Variants in DHDDS observed in about 807,000 individuals in gnomAD.
DHDDS encodes the protein dehydrodolichyl diphosphate synthase complex subunit DHDDS.
In DHDDS, 16 loss-of-function variants were observed where a neutral mutation model predicts 46.2. The observed-to-expected ratio is 0.35, with a 90% CI of 0.23 to 0.53. The LOEUF is 0.53. Ranked by LOEUF, DHDDS falls within the 20% of genes least tolerant of loss-of-function variation. The probability of loss-of-function intolerance (pLI) is 0.94; values close to 1 mark genes in which losing one functional copy is unlikely to be tolerated. For synonymous variants in DHDDS, 151 were observed against 163.1 expected, an observed-to-expected ratio of 0.93 and a Z score of 0.56; for missense variants, 340 against 423.7, an observed-to-expected ratio of 0.80 and a Z score of 1.73.
chr1:26,457,864 A>G lies in DHDDS; in HGVS notation c.616A>G (p.Thr206Ala), dbSNP rs2124489724. Residue 206 changes from threonine (T) to alanine (A), a missense_variant, in exon 7 of 9, where the codon ACT (threonine) becomes GCT (alanine). Coordinates refer to ENST00000236342, the MANE Select transcript of DHDDS (RefSeq NM_205861.3). ...TCCTCATCCTGACATCTTGATACGGACTTCTGGAGAAGTGCGGCTGAGTGA... is the reference window on the plus strand; with the variant it reads ...TCCTCATCCTGACATCTTGATACGGGCTTCTGGAGAAGTGCGGCTGAGTGA... ...RSPHPDILIRTSGEVRLSDFL... is the reference protein window; with the variant it reads ...RSPHPDILIRASGEVRLSDFL... The G allele has an allele frequency of 6.2e-7, 1 of 1,613,980 alleles. No individual in the cohort carries two copies.
intron 6 of DHDDS, 95 bp from the exon 7 acceptor site, chr1:26,457,696 G>A (rs370757934): frequency 4.8e-5 from 44 of 924,994 alleles, no homozygotes; most frequent in Non-Finnish European, 7.5e-5. Context: ...TGTATAAACT[G>A]AGAAGCCTAT....
At chr1:26,462,477 TTC>T (rs1319254895) in intron 8 of DHDDS, among the ~76,000 whole-genome samples, 1 of 152,218 alleles carries the variant, frequency 6.6e-6, no homozygotes, top group Non-Finnish European at 1.5e-5. Flanking sequence ...TCCTCCCTCT[TTC>T]ATTTCCTACT....
chr1:26,461,039 A>G (rs1364495760), intron 8 of DHDDS, among the ~76,000 whole-genome samples: 1 of 152,054 alleles, frequency 6.6e-6, no homozygotes, highest in Non-Finnish European at 1.5e-5. Context: ...ATGCCTGGCT[A>G]ATTTTTGTAT....
chr1:26,444,094 G>T (rs748867439), intron 4 of DHDDS, among the ~76,000 whole-genome samples: 1 of 152,200 alleles, frequency 6.6e-6, no homozygotes, highest in Non-Finnish European at 1.5e-5. Flanking sequence ...CTGAGAGACA[G>T]ACCATATTAC....
At chr1:26,441,222 C>T (rs1483085117) in intron 3 of DHDDS, among the ~76,000 whole-genome samples, 1 of 151,308 alleles carries the variant, frequency 6.6e-6, no homozygotes, top group African/African-American at 2.4e-5. Flanking sequence ...CACGCCCGGC[C>T]TGTTTTTTTT....
intron 8 of DHDDS, among the ~76,000 whole-genome samples, chr1:26,461,628 G>A (rs958298526): frequency 3.3e-5 from 5 of 151,938 alleles, no homozygotes; most frequent in African/African-American, 1.2e-4. Context: ...CAGGTGATCC[G>A]CCCGCCTTGG....
rs35376620 is a variant in DHDDS, at chr1:26,451,404, A to ATGTGTGTGTGTG, written c.542+3780_542+3791dup. On this transcript the variant is annotated intron_variant, in intron 6 of 8. Coordinates refer to ENST00000236342, the MANE Select transcript of DHDDS (RefSeq NM_205861.3). ...TCTTTCTTCCAGGGTATGTATGTAG[A>ATGTGTGTGTGTG]TGTGTGTGTGTGTGTGTGTGTGTGT... is the stretch of plus-strand genomic sequence containing the variant. 1.1e-3 allele frequency among the ~76,000 whole-genome samples: 145 copies of ATGTGTGTGTGTG among 136,032 alleles called. 1 individual carries two copies. Among genetic ancestry groups the ATGTGTGTGTGTG allele is most frequent in the Middle Eastern group, 3.7e-3 (1 of 270 alleles). 89.2% of individuals were successfully genotyped at this position (136,032 alleles called of 152,430 possible).
In DHDDS at chr1:26,443,557, C is replaced by T. The variant is rs76436044; in HGVS notation, c.323+684C>T. Among the ~76,000 whole-genome samples, 1,017 of 145,422 alleles carry T rather than the reference C, an allele frequency of 7.0e-3. 6 individuals carry two copies. Among genetic ancestry groups the T allele is most frequent in the African/African-American group, 0.023 (935 of 40,830 alleles). ...GACTGCTTGCTTCAAAGTATGGAGC[C>T]CTTACCAGCCAGAATTGCCCGAAAG... On this transcript the variant is annotated intron_variant, in intron 4 of 8. Coordinates refer to ENST00000236342, the MANE Select transcript of DHDDS (RefSeq NM_205861.3).
intron 8 of DHDDS, 82 bp from the exon 9 acceptor site, chr1:26,468,813 C>CCCCCCCCCA: frequency 7.5e-7 from 1 of 1,333,664 alleles, no homozygotes; most frequent in East Asian, 2.6e-5. Flanking sequence ...CACCCTGTGC[C>CCCCCCCCCA]CCACCCCCTA....
At chr1:26,446,702 G>A (rs1570343289) in intron 5 of DHDDS, among the ~76,000 whole-genome samples, 3 of 152,038 alleles carry the variant, frequency 2.0e-5, no homozygotes, top group African/African-American at 4.8e-5. Flanking sequence ...GTGTGTGTGT[G>A]TGTGTGGGTG....
At chr1:26,454,055 G>A (rs55666700) in intron 6 of DHDDS, among the ~76,000 whole-genome samples, 1,541 of 152,052 alleles carry the variant, frequency 0.01, 7 homozygotes, top group Non-Finnish European at 0.017. Flanking sequence ...CCGGGTTCAC[G>A]CCATTCTCCT....
chr1:26,469,327 A>G lies in DHDDS; in HGVS notation c.*196A>G. On this transcript the variant is annotated 3_prime_UTR_variant, in exon 9 of 9. Coordinates refer to ENST00000236342, the MANE Select transcript of DHDDS (RefSeq NM_205861.3). The stretch of plus-strand genomic sequence containing the variant: ...TGGGACAGGCTCCTGAGGAGGATTG[A>G]GGGTGAAAGTCTCCCACGAGTACAC... 1.0e-6 allele frequency: 1 copy of G among 1,003,996 alleles called. No homozygotes were observed. Among genetic ancestry groups the G allele is most frequent in the Non-Finnish European group, 1.5e-6 (1 of 681,740 alleles). The allele number at this position is 1,003,996 out of a possible 1,614,324, so 62.2% of individuals were successfully genotyped here. A position where few individuals can be genotyped will look rare whatever the true frequency, so the allele number is the denominator to read the frequency against.
chr1:26,454,555 G>T, intron 6 of DHDDS: 1 of 639,874 alleles, frequency 1.6e-6, no homozygotes, highest in Non-Finnish European at 2.7e-6. Context: ...TGACCCTCAT[G>T]ATAACCTATA....
intron 8 of DHDDS, among the ~76,000 whole-genome samples, chr1:26,461,227 A>G (rs988248541): frequency 6.6e-6 from 1 of 152,132 alleles, no homozygotes; most frequent in African/African-American, 2.4e-5. Context: ...AGGAGGAAAT[A>G]ATGATGTGAG....
Position 26,470,376 on chromosome 1 carries a change from A to C in DHDDS, c.*1245A>C, listed in dbSNP as rs1570373128. 2 of 140,684 alleles carry C rather than the reference A, an allele frequency of 1.4e-5. No homozygotes were observed. The highest frequency in any genetic ancestry group is 2.1e-4 in the East Asian group (1 of 4,750). 8.7% of individuals were successfully genotyped at this position (140,684 alleles called of 1,614,324 possible). A position where few individuals can be genotyped will look rare whatever the true frequency, so the allele number is the denominator to read the frequency against. ...TGTCCTGGCTGGTCTCGAACTCCTGACCTCAGGTGATCCGCCGGCCTCACC... is the reference window on the plus strand; with the variant it reads ...TGTCCTGGCTGGTCTCGAACTCCTGCCCTCAGGTGATCCGCCGGCCTCACC... On this transcript the variant is annotated 3_prime_UTR_variant, in exon 9 of 9. Transcript: ENST00000236342.
intron 8 of DHDDS, among the ~76,000 whole-genome samples, chr1:26,465,302 T>C (rs1435749160): frequency 6.6e-6 from 1 of 152,204 alleles, no homozygotes; most frequent in Non-Finnish European, 1.5e-5. Context: ...TTTCTTCTGC[T>C]CTTCAGGTTG....
intron 6 of DHDDS, 127 bp downstream of exon 6, chr1:26,447,787 G>A (rs2075284242): frequency 1.3e-6 from 1 of 793,310 alleles, no homozygotes; most frequent in Non-Finnish European, 2.2e-6. Flanking sequence ...CAGGCCAGGA[G>A]TTCAAGACCA....
intron 2 of DHDDS, 25 bp from the exon 3 acceptor site, chr1:26,438,143 C>G: frequency 6.2e-7 from 1 of 1,607,974 alleles, no homozygotes; most frequent in Middle Eastern, 1.7e-4. Context: ...GAGACCTGTT[C>G]ATCATTTGTC....
intron 2 of DHDDS, 63 bp from the exon 3 acceptor site, chr1:26,438,105 A>G: frequency 2.6e-6 from 4 of 1,536,582 alleles, no homozygotes; most frequent in Non-Finnish European, 2.7e-6. Context: ...CTTGGGGTGT[A>G]GTGTCTTCCT....
Sources: gnomAD v4.1 joint callset for allele counts (sites outside exome capture counted in the v4.1 genomes callset) on GRCh38, gnomAD v4.1.1 for gene constraint, MANE v1.5 for transcripts, NCBI Gene and HGNC (gene_info 2026-07-23, HGNC 2026-07-21) for gene names.